The following TRPM3 variants were observed in gnomAD, a reference collection of about 807,000 sequenced individuals.
TRPM3 encodes the protein transient receptor potential cation channel subfamily M member 3, also known as long transient receptor potential channel 3.
A neutral mutation model predicts 181.2 loss-of-function variants in TRPM3; 77 were observed. The observed-to-expected ratio is 0.42, with a 90% CI of 0.35 to 0.51. The LOEUF is 0.51. Ranked by LOEUF, TRPM3 falls within the 20% of genes least tolerant of loss-of-function variation. The pLI is 0.01. For synonymous variants in TRPM3, 745 were observed against 796.4 expected (o/e 0.94, Z 1.09); for missense variants, 1,759 against 2,196.7 (o/e 0.80, Z 3.98).
intron 1 of TRPM3, among the ~76,000 whole-genome samples, chr9:71,075,171 A>C (rs2063292307): frequency 1.3e-5 from 2 of 152,282 alleles, no homozygotes; most frequent in African/African-American, 4.8e-5. Context: ...TTGATATTCA[A>C]GTAATTCAAT....
chr9:71,165,869 G>T lies in TRPM3; in HGVS notation c.183+280784C>A, dbSNP rs564369716. The stretch of plus-strand genomic sequence containing the variant: ...AGGTGAGGTTAATGTCTATCCCCAG[G>T]AATGTGGGACAAACTATAGAACCTG... On this transcript the variant is annotated intron_variant, in intron 1 of 24. Coordinates refer to the TRPM3 transcript ENST00000357533. 2.0e-5 allele frequency among the ~76,000 whole-genome samples: 3 copies of T among 152,260 alleles called. No individual in the cohort carries two copies. In the South Asian group the frequency reaches 6.2e-4, roughly 32 times the overall value.
chr9:70,592,592 C>T (rs979051219), intron 21 of TRPM3, among the ~76,000 whole-genome samples: 2 of 152,136 alleles, frequency 1.3e-5, no homozygotes, highest in African/African-American at 4.8e-5. Flanking sequence ...CTATCGCTTG[C>T]ATCAAAACAT....
At chr9:71,231,935 T>A (rs933075872) in intron 1 of TRPM3, among the ~76,000 whole-genome samples, 1 of 152,178 alleles carries the variant, frequency 6.6e-6, no homozygotes, top group African/African-American at 2.4e-5. Context: ...AACACACACA[T>A]TTCTACTTGA....
intron 1 of TRPM3, among the ~76,000 whole-genome samples, chr9:71,006,332 C>T (rs1369184950): frequency 6.6e-6 from 1 of 151,908 alleles, no homozygotes; most frequent in Non-Finnish European, 1.5e-5. Context: ...GTAGAAAACC[C>T]GTACTTATCA....
chr9:71,349,968 C>CATATATATAT (rs758622802), intron 1 of TRPM3, among the ~76,000 whole-genome samples: 41 of 67,902 alleles, frequency 6.0e-4, no homozygotes, highest in South Asian at 1.5e-3. Context: ...ATTGTAAGTG[C>CATATATATAT]ATATATATAT....
intron 1 of TRPM3, among the ~76,000 whole-genome samples, chr9:71,115,031 T>A (rs1199564936): frequency 6.6e-6 from 1 of 152,226 alleles, no homozygotes; most frequent in Non-Finnish European, 1.5e-5. Context: ...GCAGGGCAGC[T>A]GAACTCAATT....
At chr9:70,919,918 C>A (rs1162066599) in intron 1 of TRPM3, among the ~76,000 whole-genome samples, 1 of 152,088 alleles carries the variant, frequency 6.6e-6, no homozygotes, top group Non-Finnish European at 1.5e-5. Context: ...AACTTGGGGC[C>A]CATCTGTCCA....
chr9:70,848,184 T>C (rs962797873), intron 3 of TRPM3, among the ~76,000 whole-genome samples: 24 of 152,250 alleles, frequency 1.6e-4, no homozygotes, highest in African/African-American at 5.8e-4. Context: ...TGCATATATA[T>C]ACATCTGAAA....
chr9:70,828,063 C>T, intron 5 of TRPM3, 45 bp from the exon 6 acceptor site: 1 of 1,564,162 alleles, frequency 6.4e-7, no homozygotes, highest in Non-Finnish European at 8.7e-7. Flanking sequence ...AAAAAAAGAA[C>T]ACAAGATATG....
rs746869582 is a variant in TRPM3 at position 71,161,375 on chromosome 9, G to A, written c.183+285278C>T. On this transcript the variant is annotated intron_variant, in intron 1 of 24. Coordinates refer to the TRPM3 transcript ENST00000357533. ...TGAAATTCTTTTAGAGATCTATGAC[G>A]CCCTGAACTTGCAGTCAACATTTGT... Among the ~76,000 whole-genome samples the A allele has an allele frequency of 1.2e-4, 19 of 152,170 alleles. No homozygotes were observed. The East Asian group carries it at 1.4e-3, about 11-fold the overall frequency.
intron 1 of TRPM3, among the ~76,000 whole-genome samples, chr9:71,278,481 G>A (rs893252751): frequency 1.3e-5 from 2 of 152,070 alleles, no homozygotes; most frequent in Non-Finnish European, 2.9e-5. Context: ...ATGTTAGAAG[G>A]GAGTCTAATA....
In TRPM3 at chr9:70,618,957, G is replaced by T; in HGVS notation, c.2268C>A (p.His756Gln). 1 of 1,614,066 alleles carries T rather than the reference G, an allele frequency of 6.2e-7. No individual in the cohort carries two copies. Among genetic ancestry groups the T allele is most frequent in the Non-Finnish European group, 8.5e-7 (1 of 1,180,012 alleles). Residue 756 changes from histidine to glutamine, a missense_variant, in exon 17 of 26, where the codon CAC (histidine) becomes CAA (glutamine). His to Gln is a conservative substitution (Grantham distance 24). Around this residue, in one of 8 missense-constraint regions of TRPM3, gnomAD observed 737 missense variants for 957.4 expected, o/e 0.77. Transcript: ENST00000677713. ...TCLQLAVAAKHRDFIAHTCSQ... is the reference protein window; with the variant it reads ...TCLQLAVAAKQRDFIAHTCSQ... Reference sequence around the variant, plus strand: ...TGCACGTGTGCGCGATGAAGTCGCGGTGTTTGGCAGCCACGGCAAGCTGCA... The same window carrying T: ...TGCACGTGTGCGCGATGAAGTCGCGTTGTTTGGCAGCCACGGCAAGCTGCA...
intron 6 of TRPM3, among the ~76,000 whole-genome samples, chr9:70,784,634 A>G (rs993415367): frequency 1.3e-5 from 2 of 152,214 alleles, no homozygotes; most frequent in African/African-American, 4.8e-5. Flanking sequence ...TGGAAGCTGA[A>G]CATGATCTGA....
intron 1 of TRPM3, among the ~76,000 whole-genome samples, chr9:71,328,235 C>T (rs1184780550): frequency 6.6e-6 from 1 of 152,156 alleles, no homozygotes; most frequent in Non-Finnish European, 1.5e-5. Context: ...CTGATCTCAG[C>T]TCACTGCAAG....
intron 1 of TRPM3, among the ~76,000 whole-genome samples, chr9:71,140,646 T>C (rs1181721950): frequency 1.3e-5 from 2 of 152,168 alleles, no homozygotes; most frequent in Non-Finnish European, 2.9e-5. Flanking sequence ...TTTCTTCATT[T>C]ATTCATTCAT....
chr9:71,245,137 G>A (rs2131986837), intron 1 of TRPM3, among the ~76,000 whole-genome samples: 1 of 152,188 alleles, frequency 6.6e-6, no homozygotes, highest in South Asian at 2.1e-4. Flanking sequence ...TTTTGTGTCA[G>A]ATCAAGGAGG....
intron 1 of TRPM3, among the ~76,000 whole-genome samples, chr9:71,044,936 G>A (rs753814868): frequency 2.0e-5 from 3 of 152,120 alleles, no homozygotes; most frequent in South Asian, 2.1e-4. Flanking sequence ...CTCCCAAAGT[G>A]CTGGGATTAC....
intron 1 of TRPM3, among the ~76,000 whole-genome samples, chr9:71,262,470 G>T (rs2083126427): frequency 1.3e-5 from 2 of 152,202 alleles, no homozygotes; most frequent in African/African-American, 4.8e-5. Flanking sequence ...GGTGGGATCT[G>T]CTTAGCAAGA....
chr9:70,931,467 C>A (rs1025229609), intron 1 of TRPM3, among the ~76,000 whole-genome samples: 7 of 151,836 alleles, frequency 4.6e-5, no homozygotes, highest in Non-Finnish European at 1.0e-4. Flanking sequence ...GAGACAGAAC[C>A]CAGAAAATAG....
Sources: allele counts gnomAD v4.1 joint callset (sites outside exome capture counted in the v4.1 genomes callset), GRCh38; gene constraint gnomAD v4.1.1; regional missense constraint gnomAD v4.1.1; transcripts MANE v1.5; gene names NCBI Gene and HGNC (gene_info 2026-07-23, HGNC 2026-07-21).